The following OR2T6 variants were observed in gnomAD, a reference collection of about 807,000 sequenced individuals.
The protein encoded by OR2T6 is olfactory receptor 2T6.
For synonymous variants in OR2T6, 174 were observed against 148.0 expected, an observed-to-expected ratio of 1.18 and a Z score of -1.27; for missense variants, 424 against 391.6, an observed-to-expected ratio of 1.08 and a Z score of -0.70.
chr1:248,378,156 TG>T (rs1227547087), intron 1 of OR2T6, among the ~76,000 whole-genome samples: 2 of 152,302 alleles, frequency 1.3e-5, no homozygotes, highest in East Asian at 3.9e-4. Flanking sequence ...CTGATGAAAA[TG>T]GCTAAAAGAT....
At chr1:248,384,236 C>T (rs1340707307) in intron 1 of OR2T6, among the ~76,000 whole-genome samples, 9 of 80,096 alleles carry the variant, frequency 1.1e-4, no homozygotes, top group African/African-American at 4.0e-4. Context: ...CCTGAGTGTG[C>T]TCATCCTCTC....
intron 1 of OR2T6, among the ~76,000 whole-genome samples, chr1:248,380,064 A>G (rs1661005495): frequency 6.6e-6 from 1 of 151,904 alleles, no homozygotes. Flanking sequence ...ATATATGAAT[A>G]TTAAGAATTT....
chr1:248,382,199 T>C (rs1661046818), intron 1 of OR2T6, among the ~76,000 whole-genome samples: 1 of 152,242 alleles, frequency 6.6e-6, no homozygotes, highest in African/African-American at 2.4e-5. Flanking sequence ...TTCACTTTTA[T>C]TTGGAATTTA....
In OR2T6 at chr1:248,391,725, A is replaced by G. The variant is rs926820262; in HGVS notation, c.*3190A>G. ...AATAGGGAAAAGAGAGGGGATATAT[A>G]AAAACTTTCTGAACTATCCATTCAA... On this transcript the variant is annotated 3_prime_UTR_variant, in exon 3 of 3. Coordinates refer to ENST00000641644, the MANE Select transcript of OR2T6 (RefSeq NM_001005471.2). The G allele has an allele frequency of 6.6e-6, 1 of 152,192 alleles. No homozygotes were observed. The highest frequency in any genetic ancestry group is 1.9e-4 in the East Asian group (1 of 5,206). 9.4% of individuals were successfully genotyped at this position (152,192 alleles called of 1,614,324 possible). A position where few individuals can be genotyped will look rare whatever the true frequency, so the allele number is the denominator to read the frequency against.
chr1:248,385,317 C>T (rs568368355), intron 2 of OR2T6, among the ~76,000 whole-genome samples: 77 of 152,070 alleles, frequency 5.1e-4, no homozygotes, highest in African/African-American at 1.7e-3. Flanking sequence ...AAAATTGAAT[C>T]GTTTCTGTGG....
intron 1 of OR2T6, among the ~76,000 whole-genome samples, chr1:248,381,101 C>T (rs543607790): frequency 6.6e-6 from 1 of 152,012 alleles, no homozygotes; most frequent in East Asian, 1.9e-4. Context: ...GCGTTAATTT[C>T]CTGTGCTGTT....
chr1:248,381,863 C>CG (rs1661039338), intron 1 of OR2T6, among the ~76,000 whole-genome samples: 2 of 151,836 alleles, frequency 1.3e-5, no homozygotes, highest in South Asian at 4.2e-4. Context: ...TTTATCCCCC[C>CG]TAATTTATCT....
Position 248,388,407 on chromosome 1 carries a change from A to G in OR2T6, c.799A>G (p.Thr267Ala). Residue 267 changes from threonine to alanine, a missense_variant, in exon 3 of 3, where the codon ACC (threonine) becomes GCC (alanine). Thr to Ala is a moderately conservative substitution (Grantham distance 58, BLOSUM62 0). Transcript: ENST00000641644. ...YTYTLPQSYH[T>A]PIKDKVFSAF... is the part of the protein sequence containing the mutation. Reference sequence around the variant, plus strand: ...GTATACGCTTCCCCAATCTTACCACACCCCAATCAAAGATAAGGTCTTCTC... The same window carrying G: ...GTATACGCTTCCCCAATCTTACCACGCCCCAATCAAAGATAAGGTCTTCTC... 2 of 1,613,432 alleles carry G rather than the reference A, an allele frequency of 1.2e-6. No individual in the cohort carries two copies. The highest frequency in any genetic ancestry group is 1.7e-4 in the Middle Eastern group (1 of 6,060).
intron 1 of OR2T6, among the ~76,000 whole-genome samples, chr1:248,381,822 A>G (rs1002953096): frequency 2.0e-5 from 3 of 148,716 alleles, no homozygotes; most frequent in African/African-American, 7.5e-5. Context: ...ATTTTGTTTC[A>G]TCTACAAAAA....
intron 1 of OR2T6, 147 bp from the exon 2 acceptor site, chr1:248,384,564 A>G (rs1310123602): frequency 7.4e-6 from 1 of 134,920 alleles, no homozygotes; most frequent in Non-Finnish European, 1.6e-5. Context: ...GCACTGCACT[A>G]GCCTGAGTGT....
In OR2T6 at chr1:248,388,613, A is replaced by G; in HGVS notation, c.*78A>G. 2 of 1,096,596 alleles carry G rather than the reference A, an allele frequency of 1.8e-6. No individual in the cohort carries two copies. The highest frequency in any genetic ancestry group is 3.3e-5 in the South Asian group (2 of 60,532). 67.9% of individuals were successfully genotyped at this position (1,096,596 alleles called of 1,614,324 possible). A position where few individuals can be genotyped will look rare whatever the true frequency, so the allele number is the denominator to read the frequency against. On this transcript the variant is annotated 3_prime_UTR_variant, in exon 3 of 3. Coordinates refer to ENST00000641644, the MANE Select transcript of OR2T6 (RefSeq NM_001005471.2). The stretch of plus-strand genomic sequence containing the variant: ...CCTGTTCAGGCATATATGGGGTCGT[A>G]TCATGGATACCACGGATGATGCTGA...
intron 1 of OR2T6, among the ~76,000 whole-genome samples, chr1:248,377,427 C>A (rs1269733126): frequency 6.6e-6 from 1 of 152,160 alleles, no homozygotes; most frequent in Non-Finnish European, 1.5e-5. Context: ...GTGCTAATGG[C>A]TGTTGATATA....
At chr1:248,377,594 C>A (rs73148174) in intron 1 of OR2T6, among the ~76,000 whole-genome samples, 1 of 152,182 alleles carries the variant, frequency 6.6e-6, no homozygotes, top group East Asian at 1.9e-4. Flanking sequence ...CCTGTCAGAG[C>A]GCGTCACAGA....
At chr1:248,383,242 G>C (rs1390045950) in intron 1 of OR2T6, among the ~76,000 whole-genome samples, 1 of 107,710 alleles carries the variant, frequency 9.3e-6, no homozygotes, top group East Asian at 3.2e-4. Flanking sequence ...GTGTATCCTA[G>C]TGTTATCATC....
rs1278473422 is a variant in OR2T6, at chr1:248,390,163, A to G, written c.*1628A>G. 2 of 152,216 alleles carry G rather than the reference A, an allele frequency of 1.3e-5. No homozygotes were observed. Among genetic ancestry groups the G allele is most frequent in the Non-Finnish European group, 2.9e-5 (2 of 68,028 alleles). The allele number at this position is 152,216 out of a possible 1,614,324, so 9.4% of individuals were successfully genotyped here. A position where few individuals can be genotyped will look rare whatever the true frequency, so the allele number is the denominator to read the frequency against. On this transcript the variant is annotated 3_prime_UTR_variant, in exon 3 of 3. Coordinates refer to ENST00000641644, the MANE Select transcript of OR2T6 (RefSeq NM_001005471.2). ...ACAACACATCTTATCCTTGTTGGAA[A>G]AGTGCTCTATGAAATATAAAATAAA...
At position 248,389,851 on chromosome 1, in the gene OR2T6, G is replaced by A. The variant is rs1410414323; in HGVS notation, c.*1316G>A. The A allele has an allele frequency of 6.6e-6, 1 of 152,270 alleles. No individual in the cohort carries two copies. Among genetic ancestry groups the A allele is most frequent in the Admixed American group, 6.5e-5 (1 of 15,278 alleles). The allele number at this position is 152,270 out of a possible 1,614,324, so 9.4% of individuals were successfully genotyped here. On this transcript the variant is annotated 3_prime_UTR_variant, in exon 3 of 3. Transcript: ENST00000641644. ...GGATAGGAGAAAGGATCACAAACCA[G>A]TCCAAGGGGAGAGAAGAAGAGAAAA... is the stretch of plus-strand genomic sequence containing the variant.
At position 248,387,663 on chromosome 1, in the gene OR2T6, A is replaced by G. The variant is rs1558307665; in HGVS notation, c.55A>G (p.Thr19Ala). The change falls in exon 3 of 3, where the codon ACT becomes GCT. Residue 19 changes from threonine to alanine, a missense_variant. Transcript: ENST00000641644. ...AGGCTTTACCCTCATGGGGCTCTTC[A>G]CTCACAATAAATGCTCAGGATTCTT... is the stretch of plus-strand genomic sequence containing the variant. ...TRGFTLMGLFTHNKCSGFFFG... is the reference protein window; with the variant it reads ...TRGFTLMGLFAHNKCSGFFFG... 1 of 1,612,488 alleles carries G rather than the reference A, an allele frequency of 6.2e-7. No individual in the cohort carries two copies. Among genetic ancestry groups the G allele is most frequent in the Non-Finnish European group, 8.5e-7 (1 of 1,178,780 alleles).
At chr1:248,387,426 A>T (rs1260785604) in intron 2 of OR2T6, among the ~76,000 whole-genome samples, 179 bp from the exon 3 acceptor site, 1 of 152,222 alleles carries the variant, frequency 6.6e-6, no homozygotes, top group Non-Finnish European at 1.5e-5. Context: ...ATTATTCTTC[A>T]TCAAAAAGAA....
At position 248,391,304 on chromosome 1, in the gene OR2T6, C is replaced by G. The variant is rs1257977726; in HGVS notation, c.*2769C>G. ...TGTTAAAAATAAATGATTTATCAAGCCATTGGAAGACATGGAGGAAATTTA... is the reference window on the plus strand; with the variant it reads ...TGTTAAAAATAAATGATTTATCAAGGCATTGGAAGACATGGAGGAAATTTA... On this transcript the variant is annotated 3_prime_UTR_variant, in exon 3 of 3. Coordinates refer to ENST00000641644, the MANE Select transcript of OR2T6 (RefSeq NM_001005471.2). 6.6e-6 allele frequency: 1 copy of G among 152,042 alleles called. No individual in the cohort carries two copies. The highest frequency in any genetic ancestry group is 2.4e-5 in the African/African-American group (1 of 41,404). 9.4% of individuals were successfully genotyped at this position (152,042 alleles called of 1,614,324 possible). A position where few individuals can be genotyped will look rare whatever the true frequency, so the allele number is the denominator to read the frequency against.
Sources: gnomAD v4.1 joint callset for allele counts (sites outside exome capture counted in the v4.1 genomes callset) on GRCh38, gnomAD v4.1.1 for gene constraint, MANE v1.5 for transcripts, NCBI Gene and HGNC (gene_info 2026-07-23, HGNC 2026-07-21) for gene names.